PAM: variants seen among roughly 807,000 people sequenced by gnomAD.
PAM encodes the protein peptidylglycine alpha-amidating monooxygenase.
In PAM, 72 loss-of-function variants were observed where a neutral mutation model predicts 122.1. The observed-to-expected ratio is 0.59, with a 90% CI of 0.49 to 0.72. The LOEUF (loss-of-function observed/expected upper bound fraction) is 0.72. Ranked by LOEUF, PAM falls within the 30% of genes least tolerant of loss-of-function variation. The probability of loss-of-function intolerance (pLI) is 0.00; values close to 1 mark genes in which losing one functional copy is unlikely to be tolerated. For synonymous variants in PAM, 389 were observed against 404.4 expected, an observed-to-expected ratio of 0.96 and a Z score of 0.46; for missense variants, 1,106 against 1,183.7, an observed-to-expected ratio of 0.93 and a Z score of 0.96.
intron 7 of PAM, among the ~76,000 whole-genome samples, chr5:102,936,073 AT>A (rs149047928): frequency 0.015 from 2,212 of 152,194 alleles, 52 homozygotes; most frequent in African/African-American, 0.052. Flanking sequence ...TATTTTACTA[AT>A]TTTACTATTA....
At chr5:102,888,032 T>C (rs1038227075) in intron 3 of PAM, among the ~76,000 whole-genome samples, 3 of 151,988 alleles carry the variant, frequency 2.0e-5, no homozygotes, top group African/African-American at 7.2e-5. Flanking sequence ...CAGTTTCACA[T>C]TTGTTAGCAT....
In PAM at chr5:102,956,520, AT is replaced by A. The variant is rs1184074552; in HGVS notation, c.906-3351del. Among the ~76,000 whole-genome samples the A allele has an allele frequency of 5.3e-5, 8 of 152,028 alleles. No homozygotes were observed. In the South Asian group the frequency reaches 1.4e-3, roughly 28 times the overall value. On this transcript the variant is annotated intron_variant, in intron 12 of 25. Transcript: ENST00000438793. Reference sequence around the variant, plus strand: ...AGTTACATTATTCAGAAAGTTACTGATTTTCCTTTATTTGCTATACTTAAGT... The same window carrying A: ...AGTTACATTATTCAGAAAGTTACTGATTTCCTTTATTTGCTATACTTAAGT...
At chr5:102,830,895 G>C (rs201507623) in intron 1 of PAM, among the ~76,000 whole-genome samples, 1 of 151,500 alleles carries the variant, frequency 6.6e-6, no homozygotes, top group Non-Finnish European at 1.5e-5. Flanking sequence ...GTTTTGTTTT[G>C]TTTTGTTTTG....
At chr5:103,008,560 C>A (rs1779712402) in intron 20 of PAM, among the ~76,000 whole-genome samples, 1 of 152,054 alleles carries the variant, frequency 6.6e-6, no homozygotes, top group African/African-American at 2.4e-5. Flanking sequence ...ATTAAAGCAG[C>A]ATTGACTATT....
At chr5:102,910,534 C>T (rs1217960355) in intron 4 of PAM, among the ~76,000 whole-genome samples, 1 of 151,850 alleles carries the variant, frequency 6.6e-6, no homozygotes, top group Admixed American at 6.6e-5. Flanking sequence ...GCAATCTGAA[C>T]TGTTAGCTCC....
At chr5:102,848,748 AT>A (rs2150693213) in intron 1 of PAM, among the ~76,000 whole-genome samples, 1 of 152,234 alleles carries the variant, frequency 6.6e-6, no homozygotes, top group Admixed American at 6.5e-5. Context: ...ACAAAGAAGG[AT>A]AAAAACAAAG....
Position 102,901,345 on chromosome 5 carries a change from T to G in PAM, c.211-11T>G. 6.5e-7 allele frequency: 1 copy of G among 1,528,872 alleles called. No individual in the cohort carries two copies. Among genetic ancestry groups the G allele is most frequent in the Non-Finnish European group, 9.0e-7 (1 of 1,105,608 alleles). 94.7% of individuals were successfully genotyped at this position (1,528,872 alleles called of 1,614,324 possible). ...AGTTTAATTTGGATTTTTTAATCTT[T>G]TTTTTAATAGTCCGATACATACTTC... On this transcript the variant is annotated splice_polypyrimidine_tract_variant and intron_variant, in intron 3 of 25. Transcript: ENST00000438793.
At chr5:102,968,040 T>A (rs1229643373) in intron 14 of PAM, among the ~76,000 whole-genome samples, 3 of 152,124 alleles carry the variant, frequency 2.0e-5, no homozygotes, top group African/African-American at 7.2e-5. Context: ...AGTCATTTTT[T>A]AAGCTAGTTT....
In PAM at chr5:102,949,962, GC is replaced by G; in HGVS notation, c.788del (p.Pro263LeufsTer16). 6.4e-7 allele frequency: 1 copy of G among 1,566,752 alleles called. No individual in the cohort carries two copies. The highest frequency in any genetic ancestry group is 8.8e-7 in the Non-Finnish European group (1 of 1,137,756). On this transcript the variant is annotated frameshift_variant, in exon 11 of 26. Transcript: ENST00000438793. LOFTEE classifies it high-confidence loss of function. ...CAGTGGACACTGATTGGACGGCAGA[GC>G]CCTCAGCTGCCACAGGTGGGTAAAA... ...NGQWTLIGRQ[S>X]PQLPQAFYPV...
At chr5:102,856,250 T>A (rs1348627810) in intron 1 of PAM, among the ~76,000 whole-genome samples, 2 of 152,140 alleles carry the variant, frequency 1.3e-5, no homozygotes, top group South Asian at 2.1e-4. Context: ...CAACAATGTT[T>A]CAAGGAGAAA....
At chr5:102,969,595 G>C (rs560129077) in intron 14 of PAM, among the ~76,000 whole-genome samples, 30 of 152,286 alleles carry the variant, frequency 2.0e-4, no homozygotes, top group African/African-American at 7.2e-4. Context: ...TGGACCTTGT[G>C]ATTCACTGGT....
intron 15 of PAM, 91 bp from the exon 16 acceptor site, chr5:102,990,181 T>TAA: frequency 1.1e-6 from 1 of 912,420 alleles, no homozygotes; most frequent in Non-Finnish European, 1.6e-6. Context: ...TCTAGTGATG[T>TAA]TATTGCATGA....
intron 1 of PAM, among the ~76,000 whole-genome samples, chr5:102,851,818 G>A (rs1781418885): frequency 1.3e-5 from 2 of 152,044 alleles, no homozygotes; most frequent in African/African-American, 2.4e-5. Context: ...TCACCTTTGT[G>A]TTTTTTTCTT....
chr5:103,012,164 T>A (rs1415766927), intron 21 of PAM, among the ~76,000 whole-genome samples: 1 of 152,210 alleles, frequency 6.6e-6, no homozygotes, highest in Admixed American at 6.5e-5. Context: ...TGGTTGTTAA[T>A]CCCTTGTTAG....
intron 10 of PAM, 48 bp from the exon 11 acceptor site, chr5:102,949,854 T>G (rs1034076150): frequency 3.9e-6 from 4 of 1,028,610 alleles, no homozygotes; most frequent in African/African-American, 1.6e-5. Context: ...CCTTTTGTTT[T>G]TCTAATACCT....
chr5:102,942,992 A>G (rs1314551271), intron 7 of PAM, among the ~76,000 whole-genome samples: 1 of 152,184 alleles, frequency 6.6e-6, no homozygotes, highest in Non-Finnish European at 1.5e-5. Context: ...GTGGCTTGGA[A>G]TAGTTGGAAA....
intron 15 of PAM, among the ~76,000 whole-genome samples, chr5:102,984,050 A>G (rs1041319417): frequency 2.0e-5 from 3 of 152,214 alleles, no homozygotes; most frequent in African/African-American, 7.2e-5. Flanking sequence ...AACAATATCT[A>G]CCATCACAAA....
chr5:102,781,670 A>G (rs1164675653), intron 1 of PAM, among the ~76,000 whole-genome samples: 1 of 152,226 alleles, frequency 6.6e-6, no homozygotes, highest in Admixed American at 6.5e-5. Flanking sequence ...AAAAGACAAA[A>G]TAACATTTTT....
At position 102,980,864 on chromosome 5, in the gene PAM, A is replaced by G. The variant is rs201080618; in HGVS notation, c.1483+6428A>G. Among the ~76,000 whole-genome samples the G allele has an allele frequency of 2.0e-5, 3 of 152,234 alleles. No individual in the cohort carries two copies. The East Asian group carries it at 5.8e-4, about 29-fold the overall frequency. On this transcript the variant is annotated intron_variant, in intron 15 of 25. Transcript: ENST00000438793. The stretch of plus-strand genomic sequence containing the variant: ...CAAAGACAATTTAAAATAAAATAAC[A>G]ATAATGTAATATAATTTTTCCAAAC...
Sources: allele counts gnomAD v4.1 joint callset (sites outside exome capture counted in the v4.1 genomes callset), GRCh38; gene constraint gnomAD v4.1.1; transcripts MANE v1.5; gene names NCBI Gene and HGNC (gene_info 2026-07-23, HGNC 2026-07-21).